The following KLHL8 variants were observed in gnomAD, a reference collection of about 807,000 sequenced individuals.
The protein encoded by KLHL8 is kelch-like protein 8.
KLHL8 carries 38 observed loss-of-function variants against 63.5 expected under a neutral mutation model. The observed-to-expected ratio is 0.60, with a 90% CI of 0.46 to 0.78. The LOEUF (loss-of-function observed/expected upper bound fraction) is 0.78. Ranked by LOEUF, KLHL8 falls within the 30% of genes least tolerant of loss-of-function variation. The pLI is 0.00. For synonymous variants in KLHL8, 224 were observed against 254.3 expected, an observed-to-expected ratio of 0.88 and a Z score of 1.13; for missense variants, 566 against 752.4, an observed-to-expected ratio of 0.75 and a Z score of 2.90.
intron 1 of KLHL8, among the ~76,000 whole-genome samples, chr4:87,200,235 C>T (rs1315353996): frequency 6.6e-6 from 1 of 151,718 alleles, no homozygotes; most frequent in Non-Finnish European, 1.5e-5. Flanking sequence ...AAGTATAGCC[C>T]TTCTTCAGTA....
At chr4:87,226,616 TAAATAATATATATTACTTATATAA>T (rs1732982318) in intron 1 of KLHL8, among the ~76,000 whole-genome samples, 1 of 50,360 alleles carries the variant, frequency 2.0e-5, no homozygotes, top group South Asian at 4.9e-4. Context: ...ATTATTTATA[TAAATAATATATATTACTTATATAA>T]ATAATATATA....
chr4:87,180,436 T>C (rs886621337), intron 4 of KLHL8, among the ~76,000 whole-genome samples: 58 of 152,344 alleles, frequency 3.8e-4, no homozygotes, highest in African/African-American at 1.3e-3. Context: ...ACAAAACCTT[T>C]TCTGACTCTT....
At chr4:87,207,970 A>T in intron 1 of KLHL8, 1 of 790,204 alleles carries the variant, frequency 1.3e-6, no homozygotes. Context: ...TTCCACCTTC[A>T]ATGTTAGGGC....
intron 1 of KLHL8, among the ~76,000 whole-genome samples, chr4:87,237,738 G>A (rs1733256882): frequency 6.6e-6 from 1 of 152,094 alleles, no homozygotes; most frequent in African/African-American, 2.4e-5. Context: ...GAGGTGGGAG[G>A]ATAACTTGAG....
intron 1 of KLHL8, among the ~76,000 whole-genome samples, chr4:87,209,294 A>G (rs534121097): frequency 6.6e-6 from 1 of 152,318 alleles, no homozygotes; most frequent in African/African-American, 2.4e-5. Context: ...AGAGAGGAAA[A>G]AAATGGACAT....
chr4:87,228,288 G>A (rs528536603), intron 1 of KLHL8, among the ~76,000 whole-genome samples: 1 of 152,172 alleles, frequency 6.6e-6, no homozygotes, highest in East Asian at 1.9e-4. Flanking sequence ...TTGAACCTAT[G>A]GGGGCCATGG....
upstream of KLHL8, among the ~76,000 whole-genome samples, chr4:87,225,562 T>C (rs1239257080): frequency 6.6e-6 from 1 of 152,186 alleles, no homozygotes. Context: ...CAAGTCTCAC[T>C]GGTGGCTCCA....
At position 87,194,982 on chromosome 4, in the gene KLHL8, A is replaced by C. The variant is rs566881000; in HGVS notation, c.216+342T>G. Among the ~76,000 whole-genome samples the C allele has an allele frequency of 7.2e-5, 11 of 152,346 alleles. No homozygotes were observed. The South Asian group carries it at 2.3e-3, about 32-fold the overall frequency. ...TGTATTCAGAGTAAGCAAATACATC[A>C]AGATATTTAAATTCACAAGTGAAAA... is the stretch of plus-strand genomic sequence containing the variant. On this transcript the variant is annotated intron_variant, in intron 2 of 9. Coordinates refer to ENST00000273963, the MANE Select transcript of KLHL8 (RefSeq NM_020803.5).
chr4:87,239,745 G>A (rs1482066336), intron 1 of KLHL8, among the ~76,000 whole-genome samples: 1 of 152,124 alleles, frequency 6.6e-6, no homozygotes, highest in East Asian at 1.9e-4. Flanking sequence ...CTTCTTCAAG[G>A]TAAGATTTAT....
chr4:87,201,581 A>G (rs899664953), intron 1 of KLHL8, among the ~76,000 whole-genome samples: 1 of 152,224 alleles, frequency 6.6e-6, no homozygotes, highest in African/African-American at 2.4e-5. Flanking sequence ...GGCAGAATAT[A>G]CATTCTTTTC....
chr4:87,217,869 A>T (rs1560718347), intron 1 of KLHL8, among the ~76,000 whole-genome samples: 1 of 152,202 alleles, frequency 6.6e-6, no homozygotes, highest in Non-Finnish European at 1.5e-5. Context: ...TCAATTTATA[A>T]AACACAAAAA....
chr4:87,183,841 A>G (rs1731146944), intron 3 of KLHL8, among the ~76,000 whole-genome samples: 1 of 152,198 alleles, frequency 6.6e-6, no homozygotes, highest in Non-Finnish European at 1.5e-5. Context: ...TTTCTTACTT[A>G]AAAATGTAAA....
chr4:87,201,290 A>G (rs1317137224), intron 1 of KLHL8, among the ~76,000 whole-genome samples: 1 of 152,216 alleles, frequency 6.6e-6, no homozygotes, highest in African/African-American at 2.4e-5. Flanking sequence ...ATAAAAAAAG[A>G]CACTACATAA....
At chr4:87,171,731 T>A (rs919322222) in intron 6 of KLHL8, among the ~76,000 whole-genome samples, 3 of 152,216 alleles carry the variant, frequency 2.0e-5, no homozygotes, top group Non-Finnish European at 2.9e-5. Context: ...CATAACATCA[T>A]ACGTTTTAGT....
intron 1 of KLHL8, among the ~76,000 whole-genome samples, chr4:87,235,011 A>G (rs1466793309): frequency 6.6e-6 from 1 of 150,928 alleles, no homozygotes; most frequent in African/African-American, 2.5e-5. Context: ...AGTGTGTTCT[A>G]AAGTTTATAA....
At chr4:87,214,390 T>C (rs934091973) in intron 1 of KLHL8, among the ~76,000 whole-genome samples, 1 of 123,250 alleles carries the variant, frequency 8.1e-6, no homozygotes, top group African/African-American at 2.9e-5. Flanking sequence ...AAAACTTAAA[T>C]GAGTTAACAA....
chr4:87,229,956 C>G lies in KLHL8; in HGVS notation n.58-8566G>C, dbSNP rs570177055. ...ACCTCCCTCCCTTCTCAACGTGAGC[C>G]CTTTCCTCAAGTTTGGCCAAACATC... On this transcript the variant is annotated intron_variant and non_coding_transcript_variant, in intron 1 of 1. Coordinates refer to the KLHL8 transcript ENST00000506274. Among the ~76,000 whole-genome samples the G allele has an allele frequency of 1.4e-3, 212 of 152,188 alleles. 1 individual carries two copies. The highest frequency in any genetic ancestry group is 2.3e-3 in the Non-Finnish European group (157 of 68,008).
chr4:87,219,304 A>C (rs1732726743), intron 1 of KLHL8, among the ~76,000 whole-genome samples: 1 of 152,224 alleles, frequency 6.6e-6, no homozygotes, highest in African/African-American at 2.4e-5. Context: ...GAACACGAGA[A>C]AGATGCGCGA....
intron 1 of KLHL8, among the ~76,000 whole-genome samples, chr4:87,233,317 G>T (rs13140294): frequency 3.9e-5 from 6 of 152,130 alleles, no homozygotes; most frequent in Non-Finnish European, 7.3e-5. Context: ...GACCGGGTGC[G>T]TGGCTCATGC....
Sources: gnomAD v4.1 joint callset for allele counts (sites outside exome capture counted in the v4.1 genomes callset) on GRCh38, gnomAD v4.1.1 for gene constraint, MANE v1.5 for transcripts, NCBI Gene and HGNC (gene_info 2026-07-23, HGNC 2026-07-21) for gene names.